The following FRAS1 variants were observed in gnomAD, a reference collection of about 807,000 sequenced individuals.
FRAS1 encodes extracellular matrix organizing protein FRAS1.
A neutral mutation model predicts 435.2 loss-of-function variants in FRAS1; 290 were observed. The ratio of observed to expected loss-of-function variants is 0.67; its 90% CI spans 0.61 to 0.73. FRAS1 has a LOEUF of 0.73. Among genes scored for constraint, FRAS1 ranks in the 30% least tolerant of loss-of-function variants. The probability of loss-of-function intolerance (pLI) is 0.00; values close to 1 mark genes in which losing one functional copy is unlikely to be tolerated. For synonymous variants in FRAS1, 1,800 were observed against 1,851.0 expected, an observed-to-expected ratio of 0.97 and a Z score of 0.71; for missense variants, 4,860 against 5,001.5, an observed-to-expected ratio of 0.97 and a Z score of 0.85.
At chr4:78,491,093 C>A (rs1386339218) in intron 59 of FRAS1, among the ~76,000 whole-genome samples, 1 of 152,116 alleles carries the variant, frequency 6.6e-6, no homozygotes, top group Admixed American at 6.5e-5. Context: ...TACGCCCTCT[C>A]AAGACTAAAC....
chr4:78,357,056 G>T (rs1730885041), intron 20 of FRAS1, among the ~76,000 whole-genome samples: 1 of 152,000 alleles, frequency 6.6e-6, no homozygotes, highest in African/African-American at 2.4e-5. Flanking sequence ...TTCCTTGAAG[G>T]CATCCTGTTC....
At chr4:78,466,978 A>G (rs1043940474) in intron 50 of FRAS1, among the ~76,000 whole-genome samples, 1 of 152,146 alleles carries the variant, frequency 6.6e-6, no homozygotes, top group Non-Finnish European at 1.5e-5. Context: ...ATATATATTT[A>G]TGGGGTACAT....
At chr4:78,401,036 G>T in intron 30 of FRAS1, 149 bp downstream of exon 30, 2 of 690,390 alleles carry the variant, frequency 2.9e-6, no homozygotes, top group Non-Finnish European at 4.7e-6. Flanking sequence ...GAATAATCAT[G>T]ATAGCTATCA....
intron 2 of FRAS1, chr4:78,181,967 G>C (rs889752008): frequency 1.3e-6 from 2 of 1,590,772 alleles, no homozygotes; most frequent in African/African-American, 2.7e-5. Flanking sequence ...CACCTCGAAG[G>C]GGTCCGATTC....
chr4:78,225,726 A>G (rs969155135), intron 2 of FRAS1, among the ~76,000 whole-genome samples: 1 of 152,180 alleles, frequency 6.6e-6, no homozygotes, highest in Non-Finnish European at 1.5e-5. Context: ...TTTACAGTCT[A>G]AAATTCTATT....
chr4:78,368,962 G>A (rs1326473951), intron 22 of FRAS1, among the ~76,000 whole-genome samples: 1 of 152,154 alleles, frequency 6.6e-6, no homozygotes, highest in Admixed American at 6.5e-5. Flanking sequence ...TCTGAAACCT[G>A]AGCTGTATGA....
At chr4:78,205,675 G>T (rs1309388322) in intron 2 of FRAS1, among the ~76,000 whole-genome samples, 1 of 152,242 alleles carries the variant, frequency 6.6e-6, no homozygotes, top group Non-Finnish European at 1.5e-5. Flanking sequence ...GTGGCCTGGA[G>T]AACTGGTGAT....
chr4:78,138,394 G>A (rs1720017164), intron 2 of FRAS1, among the ~76,000 whole-genome samples: 1 of 152,158 alleles, frequency 6.6e-6, no homozygotes, highest in African/African-American at 2.4e-5. Context: ...TGAGGATGTG[G>A]TCAGAAGATC....
intron 2 of FRAS1, chr4:78,182,013 C>T: frequency 6.5e-7 from 1 of 1,546,064 alleles, no homozygotes; most frequent in East Asian, 2.3e-5. Context: ...TTGGTGACCA[C>T]ACAGCCGAAG....
In FRAS1 at chr4:78,464,036, C is replaced by T; in HGVS notation, c.6779C>T (p.Ser2260Phe). 1 of 1,613,216 alleles carries T rather than the reference C, an allele frequency of 6.2e-7. No homozygotes were observed. The highest frequency in any genetic ancestry group is 8.5e-7 in the Non-Finnish European group (1 of 1,179,778). ...CTTTTTCTAGGTATCCAGATTAGTT[C>T]CTTTACTCAAGCTGATCTGACTTCA... is the stretch of plus-strand genomic sequence containing the variant. ...HAASPGIQIS[S>F]FTQADLTSRN... The change falls in exon 48 of 74, where the codon TCC (serine) becomes TTC (phenylalanine). Residue 2260 changes from serine to phenylalanine, a missense_variant. Physicochemically the swap from Ser to Phe is radical, Grantham distance 155. Transcript: ENST00000512123.
intron 9 of FRAS1, among the ~76,000 whole-genome samples, chr4:78,276,051 T>G (rs1200106998): frequency 6.6e-6 from 1 of 152,254 alleles, no homozygotes; most frequent in African/African-American, 2.4e-5. Context: ...CCTTCTCGCT[T>G]CATTTCATTC....
At chr4:78,524,336 A>G (rs77496656) in intron 69 of FRAS1, among the ~76,000 whole-genome samples, 1,737 of 152,342 alleles carry the variant, frequency 0.011, 37 homozygotes, top group African/African-American at 0.039. Context: ...GAACCCCACC[A>G]AGCACTCCAT....
chr4:78,163,288 CTTAAT>C (rs1721213885), intron 2 of FRAS1, among the ~76,000 whole-genome samples: 2 of 152,154 alleles, frequency 1.3e-5, no homozygotes, highest in Admixed American at 6.6e-5. Flanking sequence ...TACAACTCCA[CTTAAT>C]TTATTTCTCA....
At chr4:78,387,053 T>A (rs1264945547) in intron 28 of FRAS1, among the ~76,000 whole-genome samples, 1 of 152,140 alleles carries the variant, frequency 6.6e-6, no homozygotes, top group African/African-American at 2.4e-5. Flanking sequence ...TCATACCTCT[T>A]ATTAGTCTCT....
intron 9 of FRAS1, among the ~76,000 whole-genome samples, chr4:78,269,254 A>G (rs1405106865): frequency 6.6e-6 from 1 of 152,224 alleles, no homozygotes; most frequent in Non-Finnish European, 1.5e-5. Context: ...GAAGTCAGAT[A>G]TGTAAGCAAA....
rs527671450 is a variant in FRAS1 at position 78,114,667 on chromosome 4, C to T, written c.108+48651C>T. Among the ~76,000 whole-genome samples, 4 of 152,190 alleles carry T rather than the reference C, an allele frequency of 2.6e-5. No individual in the cohort carries two copies. In the East Asian group the frequency reaches 5.8e-4, roughly 22 times the overall value. Reference sequence around the variant, plus strand: ...TGTATAAGAATGCTTGTGATTTTTGCACATTGATTTTGTATCCTAAGACTT... The same window carrying T: ...TGTATAAGAATGCTTGTGATTTTTGTACATTGATTTTGTATCCTAAGACTT... On this transcript the variant is annotated intron_variant, in intron 2 of 73. Coordinates refer to ENST00000512123, the MANE Select transcript of FRAS1 (RefSeq NM_025074.7).
At chr4:78,475,324 C>G in intron 53 of FRAS1, 114 bp from the exon 54 acceptor site, 1 of 1,107,232 alleles carries the variant, frequency 9.0e-7, no homozygotes, top group Admixed American at 2.1e-5. Flanking sequence ...ACCAAACTTC[C>G]TCTTCTCTGA....
At chr4:78,284,235 T>TTTTTTC (rs1727468869) in intron 12 of FRAS1, among the ~76,000 whole-genome samples, 170 bp from the exon 13 acceptor site, 1 of 147,788 alleles carries the variant, frequency 6.8e-6, no homozygotes, top group South Asian at 2.2e-4. Context: ...ATGTATTTTT[T>TTTTTTC]TTTTTTTTTT....
intron 13 of FRAS1, among the ~76,000 whole-genome samples, chr4:78,285,214 G>A (rs919910071): frequency 5.9e-5 from 9 of 151,824 alleles, no homozygotes; most frequent in Middle Eastern, 3.4e-3. Context: ...TGTGTAATTA[G>A]CCAGGTGTGG....
Sources: gnomAD v4.1 joint callset for allele counts (sites outside exome capture counted in the v4.1 genomes callset) on GRCh38, gnomAD v4.1.1 for gene constraint, MANE v1.5 for transcripts, NCBI Gene and HGNC (gene_info 2026-07-23, HGNC 2026-07-21) for gene names.